The following PPP1R9A variants were observed in gnomAD, a reference collection of about 807,000 sequenced individuals.
The protein encoded by PPP1R9A is neurabin-1.
In PPP1R9A, 59 loss-of-function variants were observed where a neutral mutation model predicts 141.9. That is an observed-to-expected ratio of 0.42 (90% CI 0.34 to 0.52). The LOEUF (loss-of-function observed/expected upper bound fraction) is 0.52, where lower values mean the gene tolerates loss of function less well. Among genes scored for constraint, PPP1R9A ranks in the 20% least tolerant of loss-of-function variants. The pLI, the probability that PPP1R9A is intolerant of heterozygous loss-of-function variation, is 0.10. For missense variants in PPP1R9A, 1,444 were observed against 1,611.9 expected, an observed-to-expected ratio of 0.90 and a Z score of 1.78; for synonymous variants, 500 against 569.7, an observed-to-expected ratio of 0.88 and a Z score of 1.74.
intron 5 of PPP1R9A, among the ~76,000 whole-genome samples, chr7:95,194,283 G>A (rs1835915791): frequency 6.6e-6 from 1 of 151,910 alleles, no homozygotes. Flanking sequence ...GATTCTTTAA[G>A]CATGTTAAAG....
chr7:95,015,800 A>T (rs1484531553), intron 2 of PPP1R9A, among the ~76,000 whole-genome samples: 1 of 152,160 alleles, frequency 6.6e-6, no homozygotes, highest in East Asian at 1.9e-4. Context: ...CTGTAATCCC[A>T]GTACTTTGGG....
At chr7:95,183,545 G>A (rs936889038) in intron 5 of PPP1R9A, among the ~76,000 whole-genome samples, 2 of 148,452 alleles carry the variant, frequency 1.3e-5, no homozygotes, top group Admixed American at 6.9e-5. Context: ...CTGCCTCCCG[G>A]GTTCAAGTGA....
intron 2 of PPP1R9A, among the ~76,000 whole-genome samples, chr7:94,991,463 C>T: frequency 6.6e-6 from 1 of 151,966 alleles, no homozygotes; most frequent in East Asian, 1.9e-4. Context: ...AATATTTTTT[C>T]TTATTCAACA....
At chr7:94,996,793 CTCTGTGTTTTTTTTTT>C (rs1331303266) in intron 2 of PPP1R9A, among the ~76,000 whole-genome samples, 1 of 134,660 alleles carries the variant, frequency 7.4e-6, no homozygotes, top group Non-Finnish European at 1.6e-5. Context: ...AGTTCAGATA[CTCTGTGTTTTTTTTTT>C]TTTTTTTTTG....
intron 2 of PPP1R9A, among the ~76,000 whole-genome samples, chr7:95,076,822 A>G (rs1814927447): frequency 6.6e-6 from 1 of 152,088 alleles, no homozygotes; most frequent in Admixed American, 6.5e-5. Flanking sequence ...TTGTATATAT[A>G]TGAAAATGGC....
intron 2 of PPP1R9A, among the ~76,000 whole-genome samples, chr7:95,038,351 T>A (rs1265087047): frequency 6.6e-6 from 1 of 152,110 alleles, no homozygotes; most frequent in Non-Finnish European, 1.5e-5. Flanking sequence ...TTTGATAAAT[T>A]GCTGAAGACT....
chr7:95,107,660 C>T (rs895465921), intron 2 of PPP1R9A, among the ~76,000 whole-genome samples: 8 of 152,144 alleles, frequency 5.3e-5, no homozygotes, highest in Non-Finnish European at 1.2e-4. Flanking sequence ...AAAAATGGAT[C>T]TATCCCAGAG....
At chr7:95,174,286 A>G (rs968858543) in intron 5 of PPP1R9A, among the ~76,000 whole-genome samples, 2 of 152,136 alleles carry the variant, frequency 1.3e-5, no homozygotes, top group African/African-American at 4.8e-5. Context: ...GTACTGTTTG[A>G]ATACATTTGT....
intron 10 of PPP1R9A, 43 bp downstream of exon 10, chr7:95,250,298 A>G: frequency 2.6e-6 from 4 of 1,510,116 alleles, no homozygotes; most frequent in Non-Finnish European, 3.6e-6. Flanking sequence ...TGTTTGTCTA[A>G]AGAAGGTTTA....
intron 7 of PPP1R9A, among the ~76,000 whole-genome samples, chr7:95,219,320 G>T (rs1304147502): frequency 6.6e-6 from 1 of 152,186 alleles, no homozygotes; most frequent in Non-Finnish European, 1.5e-5. Flanking sequence ...GGCTTGTAGA[G>T]TTTCTGCTGA....
chr7:95,242,119 A>C (rs1165088814), intron 8 of PPP1R9A, among the ~76,000 whole-genome samples: 3 of 152,162 alleles, frequency 2.0e-5, no homozygotes, highest in Non-Finnish European at 4.4e-5. Context: ...ACCATATGTA[A>C]ACTTTTCAGC....
At chr7:95,091,337 CT>C (rs555627706) in intron 2 of PPP1R9A, among the ~76,000 whole-genome samples, 1,899 of 76,034 alleles carry the variant, frequency 0.025, 15 homozygotes, top group African/African-American at 0.095. Flanking sequence ...TGTTTTAACT[CT>C]TTTTTTTTTT....
intron 2 of PPP1R9A, among the ~76,000 whole-genome samples, chr7:95,043,384 A>G (rs893213802): frequency 6.6e-6 from 1 of 152,248 alleles, no homozygotes; most frequent in Non-Finnish European, 1.5e-5. Context: ...CAGTAATAAC[A>G]TACAACACAA....
At chr7:95,006,251 T>C (rs754585220) in intron 2 of PPP1R9A, among the ~76,000 whole-genome samples, 2 of 151,848 alleles carry the variant, frequency 1.3e-5, no homozygotes, top group African/African-American at 4.8e-5. Context: ...GGAGTTTCAC[T>C]CTTTTGCCCA....
At chr7:94,951,544 T>C (rs1021776191) in intron 2 of PPP1R9A, among the ~76,000 whole-genome samples, 2 of 152,148 alleles carry the variant, frequency 1.3e-5, no homozygotes, top group Non-Finnish European at 2.9e-5. Context: ...ACTTTTCATG[T>C]TAAACCACTT....
At chr7:94,915,576 T>C (rs919437200) in intron 2 of PPP1R9A, among the ~76,000 whole-genome samples, 2 of 152,190 alleles carry the variant, frequency 1.3e-5, no homozygotes, top group South Asian at 4.1e-4. Context: ...ATTAAAATGC[T>C]TGAATCACAT....
At chr7:95,039,557 GA>G (rs35700599) in intron 2 of PPP1R9A, among the ~76,000 whole-genome samples, 3,166 of 123,234 alleles carry the variant, frequency 0.026, 50 homozygotes, top group African/African-American at 0.046. Flanking sequence ...GACTACATCT[GA>G]AAAAAAAAAA....
intron 5 of PPP1R9A, among the ~76,000 whole-genome samples, chr7:95,167,086 G>T (rs1563344929): frequency 6.6e-6 from 1 of 152,152 alleles, no homozygotes; most frequent in Non-Finnish European, 1.5e-5. Context: ...AAGAGATTTA[G>T]TCAACTTACA....
At chr7:95,174,307 G>A (rs1832586624) in intron 5 of PPP1R9A, among the ~76,000 whole-genome samples, 2 of 151,962 alleles carry the variant, frequency 1.3e-5, no homozygotes, top group Admixed American at 6.6e-5. Context: ...ATAAAATTCT[G>A]GAAAATACAA....
Sources: gnomAD v4.1 joint callset for allele counts (sites outside exome capture counted in the v4.1 genomes callset) on GRCh38, gnomAD v4.1.1 for gene constraint, MANE v1.5 for transcripts, NCBI Gene and HGNC (gene_info 2026-07-23, HGNC 2026-07-21) for gene names.